Variants in ACYP2 observed in about 807,000 individuals in gnomAD.
The protein encoded by ACYP2 is acylphosphatase 2, also known as acylphosphatase-2.
Under a neutral mutation model 11.2 loss-of-function variants are expected in ACYP2, and 12 were observed. The ratio of observed to expected loss-of-function variants is 1.08; its 90% CI spans 0.69 to 1.74. ACYP2 has a LOEUF of 1.74. Ranked by LOEUF, ACYP2 falls within the 40% of genes most tolerant of loss-of-function variation. The pLI is 0.00. For synonymous variants in ACYP2, 43 were observed against 32.2 expected (o/e 1.33, Z -1.13); for missense variants, 134 against 101.9 (o/e 1.31, Z -1.35).
chr2:54,085,987 AGGCTAGAATGCAGT>A (rs2103673161), intron 4 of ACYP2, among the ~76,000 whole-genome samples: 2 of 152,196 alleles, frequency 1.3e-5, no homozygotes, highest in South Asian at 4.1e-4. Context: ...CTCTGTTGCC[AGGCTAGAATGCAGT>A]GGCGCAGTCT....
intron 1 of ACYP2, among the ~76,000 whole-genome samples, chr2:53,971,877 G>C (rs181076584): frequency 3.8e-4 from 58 of 152,344 alleles, no homozygotes; most frequent in African/African-American, 1.4e-3. Context: ...AAAATTCAAA[G>C]TTCAAAATAG....
intron 4 of ACYP2, among the ~76,000 whole-genome samples, chr2:54,101,452 C>G (rs60246605): frequency 1.1e-4 from 17 of 152,040 alleles, no homozygotes; most frequent in African/African-American, 4.1e-4. Flanking sequence ...GAGCAGATCA[C>G]GAGGTCAGGA....
chr2:54,197,973 TATTGTATTGTATTG>T (rs1684579424), intron 6 of ACYP2, among the ~76,000 whole-genome samples: 1 of 124,444 alleles, frequency 8.0e-6, no homozygotes, highest in Non-Finnish European at 1.6e-5. Flanking sequence ...TATTGTATTG[TATTGTATTGTATTG>T]TATTGTATTG....
intron 6 of ACYP2, among the ~76,000 whole-genome samples, chr2:54,193,651 T>C (rs1389384882): frequency 6.6e-6 from 1 of 152,220 alleles, no homozygotes; most frequent in African/African-American, 2.4e-5. Context: ...AATATGTGAA[T>C]TTATACTCAT....
At chr2:54,057,740 A>T (rs1676234840) in intron 4 of ACYP2, among the ~76,000 whole-genome samples, 1 of 152,170 alleles carries the variant, frequency 6.6e-6, no homozygotes, top group Non-Finnish European at 1.5e-5. Flanking sequence ...TGTTTATAGG[A>T]TACTGAATAT....
intron 2 of ACYP2, among the ~76,000 whole-genome samples, chr2:53,984,651 A>T (rs1671937414): frequency 6.7e-6 from 1 of 150,040 alleles, no homozygotes; most frequent in Non-Finnish European, 1.5e-5. Context: ...CATATATATA[A>T]AATATATGTA....
At chr2:54,242,100 TA>T (rs1686754423) in intron 6 of ACYP2, among the ~76,000 whole-genome samples, 1 of 152,242 alleles carries the variant, frequency 6.6e-6, no homozygotes, top group African/African-American at 2.4e-5. Flanking sequence ...GTGCAGACGC[TA>T]TGACTATATT....
intron 6 of ACYP2, chr2:54,253,713 T>C (rs1687345543): frequency 6.6e-6 from 1 of 152,278 alleles, no homozygotes; most frequent in Non-Finnish European, 1.5e-5. Context: ...ACAATCTCTT[T>C]AGTTCTTCTA....
intron 4 of ACYP2, among the ~76,000 whole-genome samples, chr2:54,090,536 CAGG>C (rs1450887443): frequency 1.3e-5 from 2 of 152,164 alleles, no homozygotes; most frequent in Admixed American, 6.5e-5. Context: ...GAGGCTGAGG[CAGG>C]AGAACTGCTT....
intron 6 of ACYP2, among the ~76,000 whole-genome samples, chr2:54,224,492 A>C (rs1217681713): frequency 2.0e-5 from 3 of 152,218 alleles, no homozygotes. Flanking sequence ...TGTATGCAAA[A>C]AAGGTTAAAG....
At chr2:54,115,664 C>G in intron 4 of ACYP2, 1 of 1,604,028 alleles carries the variant, frequency 6.2e-7, no homozygotes, top group Non-Finnish European at 8.5e-7. Flanking sequence ...CCCCGAGCCC[C>G]TCTCCGGCTC....
intron 4 of ACYP2, among the ~76,000 whole-genome samples, chr2:54,064,401 T>C (rs1376323055): frequency 1.3e-5 from 2 of 152,230 alleles, no homozygotes; most frequent in Non-Finnish European, 2.9e-5. Context: ...GCTCTGGCAG[T>C]GGTTTCCAGG....
chr2:54,121,338 A>G (rs562311798), intron 4 of ACYP2, among the ~76,000 whole-genome samples: 2 of 152,216 alleles, frequency 1.3e-5, no homozygotes, highest in South Asian at 4.2e-4. Flanking sequence ...AGCACCATTC[A>G]GTTGGCTAAA....
chr2:54,279,504 A>G (rs568943387), intron 6 of ACYP2, among the ~76,000 whole-genome samples: 2 of 152,344 alleles, frequency 1.3e-5, no homozygotes, highest in East Asian at 3.9e-4. Context: ...GAAATCACAG[A>G]GGTTGTGTAA....
At chr2:54,041,050 T>C (rs1675193691) in intron 2 of ACYP2, among the ~76,000 whole-genome samples, 1 of 152,096 alleles carries the variant, frequency 6.6e-6, no homozygotes, top group Non-Finnish European at 1.5e-5. Context: ...AGGAAAGCGG[T>C]GGCCTTTTCT....
chr2:54,033,239 C>CCAGGCTGGAGCA (rs1674686670), intron 2 of ACYP2, among the ~76,000 whole-genome samples: 1 of 149,868 alleles, frequency 6.7e-6, no homozygotes, highest in South Asian at 2.1e-4. Flanking sequence ...GCGTTGTTGT[C>CCAGGCTGGAGCA]CAGGCTGGAG....
chr2:54,124,287 C>T (rs1171578961), intron 4 of ACYP2, among the ~76,000 whole-genome samples: 1 of 152,062 alleles, frequency 6.6e-6, no homozygotes, highest in Non-Finnish European at 1.5e-5. Context: ...CTCCGCCTAC[C>T]AGGTTCAAGT....
rs561892388 is a variant in ACYP2, at chr2:53,974,274, T to C, written c.62+464T>C. Among the ~76,000 whole-genome samples, 7 of 152,072 alleles carry C rather than the reference T, an allele frequency of 4.6e-5. No homozygotes were observed. In the East Asian group the frequency reaches 7.7e-4, roughly 17 times the overall value. On this transcript the variant is annotated intron_variant, in intron 2 of 6. Transcript: ENST00000607452. ...CCAGTGGAGAGAGAAGTTAAAGATA[T>C]TGGGTGAGGACGACAAAGAGCGGAA...
intron 6 of ACYP2, among the ~76,000 whole-genome samples, chr2:54,259,265 G>C (rs1207913003): frequency 6.6e-6 from 1 of 152,226 alleles, no homozygotes; most frequent in African/African-American, 2.4e-5. Context: ...CCAGAGTTGA[G>C]ATGCCAAGTG....
Sources: gnomAD v4.1 joint callset for allele counts (sites outside exome capture counted in the v4.1 genomes callset) on GRCh38, gnomAD v4.1.1 for gene constraint, MANE v1.5 for transcripts, NCBI Gene and HGNC (gene_info 2026-07-23, HGNC 2026-07-21) for gene names.